The following TULP4 variants were observed in gnomAD, a reference collection of about 807,000 sequenced individuals.
TULP4 encodes the protein tubby-related protein 4.
Under a neutral mutation model 129.0 loss-of-function variants are expected in TULP4, and 16 were observed. That is an observed-to-expected ratio of 0.12 (90% CI 0.08 to 0.19). TULP4 has a LOEUF of 0.19. TULP4 is among the 10% of genes least tolerant of loss of function. TULP4 has a pLI of 1.00. For missense variants in TULP4, 1,842 were observed against 2,059.1 expected (o/e 0.89, Z 2.04); for synonymous variants, 998 against 854.0 (o/e 1.17, Z -2.94).
At chr6:158,262,442 G>T (rs1778369465) in intron 1 of TULP4, among the ~76,000 whole-genome samples, 1 of 152,162 alleles carries the variant, frequency 6.6e-6, no homozygotes, top group Non-Finnish European at 1.5e-5. Flanking sequence ...CACATTCTCA[G>T]GGGTCGTATT....
chr6:158,473,091 G>A (rs1779727274), intron 6 of TULP4, among the ~76,000 whole-genome samples: 1 of 152,206 alleles, frequency 6.6e-6, no homozygotes, highest in South Asian at 2.1e-4. Context: ...AGTTGTTGAT[G>A]TGATACTGGG....
chr6:158,418,851 C>T (rs942026485), intron 2 of TULP4, among the ~76,000 whole-genome samples: 1 of 152,158 alleles, frequency 6.6e-6, no homozygotes, highest in Non-Finnish European at 1.5e-5. Flanking sequence ...TTGCTGGTAT[C>T]TCTAAGAAGC....
intron 1 of TULP4, among the ~76,000 whole-genome samples, chr6:158,401,475 TTG>T (rs1460446256): frequency 6.6e-6 from 1 of 152,204 alleles, no homozygotes; most frequent in African/African-American, 2.4e-5. Context: ...GTGGAACATA[TTG>T]TGTGTCAGAA....
intron 1 of TULP4, among the ~76,000 whole-genome samples, chr6:158,287,854 T>C (rs533946563): frequency 1.3e-5 from 2 of 152,336 alleles, no homozygotes; most frequent in South Asian, 4.1e-4. Context: ...GTATGGCCCT[T>C]CTGTGAAGGC....
At chr6:158,411,529 C>T (rs1169898215) in intron 1 of TULP4, among the ~76,000 whole-genome samples, 1 of 152,212 alleles carries the variant, frequency 6.6e-6, no homozygotes, top group Non-Finnish European at 1.5e-5. Context: ...TGCAACCTCA[C>T]AGCTGCCTCT....
chr6:158,489,002 G>A lies in TULP4; in HGVS notation c.1487-586G>A, dbSNP rs181186398. Among the ~76,000 whole-genome samples the A allele has an allele frequency of 2.2e-4, 33 of 152,262 alleles. No individual in the cohort carries two copies. The South Asian group carries it at 5.0e-3, about 23-fold the overall frequency. Reference sequence around the variant, plus strand: ...CAGAGCCATCCTGGGAGTTCCCACCGCACAGGTTTCCTAGCCTTTGCTCCA... The same window carrying A: ...CAGAGCCATCCTGGGAGTTCCCACCACACAGGTTTCCTAGCCTTTGCTCCA... On this transcript the variant is annotated intron_variant, in intron 8 of 13. Transcript: ENST00000367097.
intron 1 of TULP4, among the ~76,000 whole-genome samples, chr6:158,260,819 CT>C (rs1778338381): frequency 6.9e-6 from 1 of 144,376 alleles, no homozygotes; most frequent in African/African-American, 2.5e-5. Context: ...CTTTTCTTTT[CT>C]TTTCTTTTTT....
At chr6:158,233,574 G>C (rs1443615707) in intron 1 of TULP4, among the ~76,000 whole-genome samples, 1 of 152,188 alleles carries the variant, frequency 6.6e-6, no homozygotes. Context: ...CAGATTGCTG[G>C]GGTGTGAGGT....
At chr6:158,488,091 C>T (rs960768447) in intron 8 of TULP4, among the ~76,000 whole-genome samples, 1 of 152,038 alleles carries the variant, frequency 6.6e-6, no homozygotes, top group East Asian at 1.9e-4. Flanking sequence ...CATAGTGAGA[C>T]CCTATCTCTA....
At chr6:158,263,105 A>C (rs576698054) in intron 1 of TULP4, among the ~76,000 whole-genome samples, 1 of 152,206 alleles carries the variant, frequency 6.6e-6, no homozygotes, top group African/African-American at 2.4e-5. Flanking sequence ...GTACTTCAGA[A>C]ACCTGCTGCC....
At chr6:158,272,235 G>A (rs166391) in intron 1 of TULP4, among the ~76,000 whole-genome samples, 9,776 of 152,220 alleles carry the variant, frequency 0.064, 376 homozygotes, top group East Asian at 0.093. Context: ...GAATTTTTCA[G>A]TTGGGAATTA....
At chr6:158,321,186 A>G (rs374458216) in intron 1 of TULP4, among the ~76,000 whole-genome samples, 1 of 152,120 alleles carries the variant, frequency 6.6e-6, no homozygotes, top group Admixed American at 6.6e-5. Flanking sequence ...TTTAAACTGC[A>G]CTTGATGTCT....
In TULP4 at chr6:158,413,181, C is replaced by A; in HGVS notation, c.369C>A (p.Asp123Glu). ...EGRWSVELVN[D>E]RGAQVSDFTW... is the part of the protein sequence containing the mutation. Reference sequence around the variant, plus strand: ...GGTGGTCTGTGGAGCTGGTCAACGACCGCGGGGCGCAGGTGAGTGGCAGGC... The same window carrying A: ...GGTGGTCTGTGGAGCTGGTCAACGAACGCGGGGCGCAGGTGAGTGGCAGGC... Residue 123 changes from aspartate (D) to glutamate (E), a missense_variant, in exon 2 of 14, where the codon GAC (aspartate) becomes GAA (glutamate). By Grantham distance (45) the Asp-to-Glu change is conservative. Transcript: ENST00000367097. The surrounding 1 kb of genome is among the most constrained non-coding windows in gnomAD (Gnocchi z 4.9). 6.2e-7 allele frequency: 1 copy of A among 1,612,420 alleles called. No individual in the cohort carries two copies. Among genetic ancestry groups the A allele is most frequent in the Non-Finnish European group, 8.5e-7 (1 of 1,178,732 alleles).
chr6:158,239,440 G>A (rs1777806573), intron 1 of TULP4, among the ~76,000 whole-genome samples: 1 of 70,860 alleles, frequency 1.4e-5, no homozygotes, highest in African/African-American at 4.5e-5. Flanking sequence ...TCCCGGACGG[G>A]GCGGCTGGCC....
At chr6:158,384,023 G>A (rs1421101423) in intron 1 of TULP4, among the ~76,000 whole-genome samples, 2 of 152,202 alleles carry the variant, frequency 1.3e-5, no homozygotes, top group Non-Finnish European at 2.9e-5. Context: ...GTGGCTAGAG[G>A]AGGTGAATCT....
chr6:158,481,797 C>T (rs1779952624), intron 8 of TULP4, among the ~76,000 whole-genome samples: 1 of 152,166 alleles, frequency 6.6e-6, no homozygotes, highest in South Asian at 2.1e-4. Flanking sequence ...TGGTATGAGT[C>T]ACCCTTTTCT....
At chr6:158,309,236 T>A (rs1487996768), upstream of TULP4, among the ~76,000 whole-genome samples, 1 of 109,554 alleles carries the variant, frequency 9.1e-6, no homozygotes, top group Non-Finnish European at 1.9e-5. Flanking sequence ...GCAGAGACGC[T>A]CCTCACCTCC....
At chr6:158,453,906 C>G (rs1457836020) in intron 5 of TULP4, among the ~76,000 whole-genome samples, 5 of 151,540 alleles carry the variant, frequency 3.3e-5, no homozygotes, top group African/African-American at 1.2e-4. Flanking sequence ...TGAGCCAAGA[C>G]CGCACCACTG....
chr6:158,275,163 A>G (rs1479078604), intron 1 of TULP4, among the ~76,000 whole-genome samples: 1 of 152,236 alleles, frequency 6.6e-6, no homozygotes, highest in Admixed American at 6.5e-5. Context: ...GTGCTTGTAT[A>G]GTTCTGCCAC....
Sources: gnomAD v4.1 joint callset for allele counts (sites outside exome capture counted in the v4.1 genomes callset) on GRCh38, gnomAD v4.1.1 for gene constraint, Gnocchi (gnomAD v3.1) non-coding constraint, MANE v1.5 for transcripts, NCBI Gene and HGNC (gene_info 2026-07-23, HGNC 2026-07-21) for gene names.